Variants in CCDC171 observed in about 807,000 individuals in gnomAD.
CCDC171 encodes the protein coiled-coil domain containing 171, also known as coiled-coil domain-containing protein 171.
In CCDC171, 177 loss-of-function variants were observed where a neutral mutation model predicts 168.2. That is an observed-to-expected ratio of 1.05 (90% CI 0.93 to 1.19). The LOEUF (loss-of-function observed/expected upper bound fraction) is 1.19. Among genes scored for constraint, CCDC171 ranks in the 50% most tolerant of loss-of-function variants. CCDC171 has a pLI of 0.00. For missense variants in CCDC171, 1,991 were observed against 1,539.0 expected (o/e 1.29, Z -4.91); for synonymous variants, 687 against 540.8 (o/e 1.27, Z -3.75).
Position 16,035,979 on chromosome 9 carries a change from G to A in CCDC171, n.1068-114G>A, listed in dbSNP as rs953863099. 3.3e-5 allele frequency: 5 copies of A among 152,118 alleles called. No individual in the cohort carries two copies. The East Asian group carries it at 5.8e-4, about 18-fold the overall frequency. 9.4% of individuals were successfully genotyped at this position (152,118 alleles called of 1,614,324 possible). A position where few individuals can be genotyped will look rare whatever the true frequency, so the allele number is the denominator to read the frequency against. On this transcript the variant is annotated intron_variant and non_coding_transcript_variant, in intron 7 of 9. Transcript: ENST00000486641. ...TTTAATAATTTTGTGCCCACAGCTGGGGGTACACAATCATTGATGGCATAG... is the reference window on the plus strand; with the variant it reads ...TTTAATAATTTTGTGCCCACAGCTGAGGGTACACAATCATTGATGGCATAG...
At chr9:16,102,862 C>T in the CCDC171 span, among the ~76,000 whole-genome samples, 1 of 152,166 alleles carries the variant, frequency 6.6e-6, no homozygotes, top group Admixed American at 6.5e-5. Context: ...GAGGCATCGA[C>T]CTTTGAATTA....
intron 21 of CCDC171, among the ~76,000 whole-genome samples, chr9:15,797,586 T>G (rs2135724104): frequency 6.6e-6 from 1 of 152,206 alleles, no homozygotes; most frequent in South Asian, 2.1e-4. Context: ...ATTCTCTATA[T>G]AGATTCTTTT....
At chr9:15,986,240 T>C (rs911027352) in intron 3 of CCDC171, among the ~76,000 whole-genome samples, 2 of 152,212 alleles carry the variant, frequency 1.3e-5, no homozygotes, top group African/African-American at 4.8e-5. Flanking sequence ...TTGACCAATA[T>C]GTATTACGTT....
chr9:15,846,737 A>G lies in CCDC171; in HGVS notation c.3303A>G (p.Lys1101=). The part of the protein sequence containing the change: ...LSEAKMELRR[K]DQSLRQLNRH... ...AGGCAAAGATGGAGCTGAGAAGAAAAGATCAATCTCTGCGTCAGCTCAATA... is the reference window on the plus strand; with the variant it reads ...AGGCAAAGATGGAGCTGAGAAGAAAGGATCAATCTCTGCGTCAGCTCAATA... Residue 1101 remains lysine, a synonymous_variant, in exon 22 of 26, where the codon AAA becomes AAG. Transcript: ENST00000380701. The G allele has an allele frequency of 6.2e-6, 10 of 1,613,130 alleles. No individual in the cohort carries two copies. The highest frequency in any genetic ancestry group is 8.5e-6 in the Non-Finnish European group (10 of 1,179,502).
chr9:15,951,601 A>G (rs1829186794), intron 25 of CCDC171, among the ~76,000 whole-genome samples: 2 of 151,830 alleles, frequency 1.3e-5, no homozygotes, highest in South Asian at 4.2e-4. Flanking sequence ...TGTAGGTTTG[A>G]TTTGCATTTC....
At chr9:15,869,615 CAGT>C (rs2061945347) in intron 23 of CCDC171, among the ~76,000 whole-genome samples, 2 of 151,320 alleles carry the variant, frequency 1.3e-5, no homozygotes, top group African/African-American at 4.8e-5. Flanking sequence ...AAAGACTCTC[CAGT>C]ATGCCTTTTC....
At chr9:15,934,085 T>G (rs1826829136) in intron 25 of CCDC171, among the ~76,000 whole-genome samples, 1 of 151,696 alleles carries the variant, frequency 6.6e-6, no homozygotes, top group South Asian at 2.1e-4. Flanking sequence ...AAAAAGACAA[T>G]CTAATTTTTA....
chr9:15,624,339 G>C (rs1018197101), intron 7 of CCDC171, among the ~76,000 whole-genome samples: 1 of 152,076 alleles, frequency 6.6e-6, no homozygotes, highest in Admixed American at 6.6e-5. Flanking sequence ...TATACTTTAA[G>C]TTCTAGGGTA....
chr9:15,889,727 A>C (rs952002751), intron 24 of CCDC171, among the ~76,000 whole-genome samples: 7 of 152,204 alleles, frequency 4.6e-5, no homozygotes, highest in Non-Finnish European at 8.8e-5. Flanking sequence ...ATGCCTTGAC[A>C]CATAACTTAC....
chr9:15,552,897 G>T (rs2038452107), upstream of CCDC171, among the ~76,000 whole-genome samples: 1 of 152,108 alleles, frequency 6.6e-6, no homozygotes, highest in Non-Finnish European at 1.5e-5. Context: ...GCGCCCGTTC[G>T]TCCCTCAGCG....
intron 7 of CCDC171, among the ~76,000 whole-genome samples, chr9:15,641,974 G>T (rs2046643516): frequency 6.6e-6 from 1 of 152,064 alleles, no homozygotes; most frequent in South Asian, 2.1e-4. Context: ...GATCAGCCTG[G>T]CCAACATGGT....
intron 21 of CCDC171, among the ~76,000 whole-genome samples, chr9:15,837,029 C>G (rs544594895): frequency 2.6e-5 from 4 of 152,332 alleles, no homozygotes; most frequent in South Asian, 4.1e-4. Flanking sequence ...ACCCTCTTCA[C>G]TAGTTTGGTC....
intron 3 of CCDC171, among the ~76,000 whole-genome samples, chr9:15,575,875 T>C (rs941550522): frequency 6.6e-6 from 1 of 152,136 alleles, no homozygotes; most frequent in African/African-American, 2.4e-5. Flanking sequence ...GCAAATCACT[T>C]GAGGTCGGGA....
At chr9:16,086,918 C>T in the CCDC171 span, among the ~76,000 whole-genome samples, 1 of 152,168 alleles carries the variant, frequency 6.6e-6, no homozygotes, top group Non-Finnish European at 1.5e-5. Context: ...CACAGAGATT[C>T]TGGTATGTTG....
chr9:15,761,487 A>G (rs1307837976), intron 18 of CCDC171, among the ~76,000 whole-genome samples: 1 of 152,182 alleles, frequency 6.6e-6, no homozygotes, highest in Non-Finnish European at 1.5e-5. Flanking sequence ...GGGCATTGTC[A>G]TCAACTGGGA....
chr9:15,765,609 TC>T (rs2135171268), intron 18 of CCDC171, among the ~76,000 whole-genome samples: 1 of 152,292 alleles, frequency 6.6e-6, no homozygotes, highest in South Asian at 2.1e-4. Flanking sequence ...AGCAAGACTA[TC>T]AATTGAGATG....
At chr9:15,825,215 C>G (rs1428610071) in intron 21 of CCDC171, among the ~76,000 whole-genome samples, 1 of 152,044 alleles carries the variant, frequency 6.6e-6, no homozygotes, top group Non-Finnish European at 1.5e-5. Context: ...GCTATAGTCT[C>G]CTGCATTAAA....
chr9:15,591,282 A>C (rs112490514), intron 4 of CCDC171, 84 bp from the exon 5 acceptor site: 2 of 756,004 alleles, frequency 2.6e-6, no homozygotes, highest in Admixed American at 5.9e-5. Context: ...GCTGTAAATG[A>C]TGTCAACTCC....
At chr9:15,841,192 C>T (rs1401753437) in intron 21 of CCDC171, among the ~76,000 whole-genome samples, 1 of 151,988 alleles carries the variant, frequency 6.6e-6, no homozygotes, top group African/African-American at 2.4e-5. Flanking sequence ...GTATTTTACA[C>T]TCTTCTTTGT....
Sources: allele counts gnomAD v4.1 joint callset (sites outside exome capture counted in the v4.1 genomes callset), GRCh38; gene constraint gnomAD v4.1.1; transcripts MANE v1.5; gene names NCBI Gene and HGNC (gene_info 2026-07-23, HGNC 2026-07-21).